Variants in ACOT7 observed in about 807,000 individuals in gnomAD.
ACOT7 encodes acyl-CoA thioesterase 7.
In ACOT7, 12 loss-of-function variants were observed where a neutral mutation model predicts 40.2. The ratio of observed to expected loss-of-function variants is 0.30; its 90% CI spans 0.19 to 0.48. The LOEUF (loss-of-function observed/expected upper bound fraction) is 0.48, where lower values mean the gene tolerates loss of function less well. Among genes scored for constraint, ACOT7 ranks in the 20% least tolerant of loss-of-function variants. The pLI is 0.99. For missense variants in ACOT7, 395 were observed against 530.8 expected, an observed-to-expected ratio of 0.74 and a Z score of 2.51; for synonymous variants, 228 against 219.5, an observed-to-expected ratio of 1.04 and a Z score of -0.34.
chr1:6,265,696 TTC>T (rs1320790806), intron 8 of ACOT7, among the ~76,000 whole-genome samples: 19 of 152,230 alleles, frequency 1.2e-4, no homozygotes, highest in Non-Finnish European at 2.1e-4. Context: ...CAACGCCATG[TTC>T]TGACTGGCCC....
intron 6 of ACOT7, among the ~76,000 whole-genome samples, chr1:6,310,357 C>T (rs915788994): frequency 6.0e-4 from 92 of 152,320 alleles, no homozygotes; most frequent in African/African-American, 2.0e-3. Context: ...CAGAACCACT[C>T]GGGGTGCGAT....
At chr1:6,270,038 CGGTGTCTGTCCCA>C (rs1417288063) in intron 8 of ACOT7, among the ~76,000 whole-genome samples, 1 of 152,232 alleles carries the variant, frequency 6.6e-6, no homozygotes, top group Non-Finnish European at 1.5e-5. Context: ...GGCCGCGGGG[CGGTGTCTGTCCCA>C]TGGTAGGTTA....
At position 6,379,932 on chromosome 1, in the gene ACOT7, G is replaced by A. The variant is rs536496860; in HGVS notation, c.143+13325C>T. On this transcript the variant is annotated intron_variant, in intron 1 of 8. Coordinates refer to ENST00000361521, the MANE Select transcript of ACOT7 (RefSeq NM_007274.4). ...AATACAAAAATTAGCCAGGTGTGGT[G>A]GTGCACACCTGTAGTCCTAGCTCCT... Among the ~76,000 whole-genome samples the A allele has an allele frequency of 1.1e-3, 168 of 151,756 alleles. 1 individual carries two copies. The highest frequency in any genetic ancestry group is 3.8e-3 in the African/African-American group (159 of 41,504).
chr1:6,285,773 T>G (rs1186087008), intron 7 of ACOT7, among the ~76,000 whole-genome samples: 2 of 130,498 alleles, frequency 1.5e-5, no homozygotes, highest in Non-Finnish European at 3.2e-5. Flanking sequence ...TCAGGATGCT[T>G]CAGGGTCTCC....
intron 7 of ACOT7, among the ~76,000 whole-genome samples, chr1:6,287,528 C>G (rs1245165181): frequency 6.6e-6 from 1 of 152,238 alleles, no homozygotes. Flanking sequence ...ATATTAGGTA[C>G]AGTTAAACGT....
intron 1 of ACOT7, among the ~76,000 whole-genome samples, chr1:6,379,249 A>G (rs897151669): frequency 1.3e-5 from 2 of 151,816 alleles, no homozygotes; most frequent in African/African-American, 4.8e-5. Flanking sequence ...ACCCTCAGGT[A>G]TAAGAGTTCA....
chr1:6,335,983 G>A (rs1641090196), intron 3 of ACOT7, among the ~76,000 whole-genome samples: 1 of 152,202 alleles, frequency 6.6e-6, no homozygotes, highest in Non-Finnish European at 1.5e-5. Context: ...TGGAGCAAAT[G>A]AGGCAAACAT....
chr1:6,320,221 T>C (rs1181155505), intron 5 of ACOT7, among the ~76,000 whole-genome samples: 1 of 152,220 alleles, frequency 6.6e-6, no homozygotes, highest in Non-Finnish European at 1.5e-5. Context: ...GCTTGTCACA[T>C]AGGACGGGAT....
chr1:6,300,987 G>C (rs184869310), intron 6 of ACOT7, among the ~76,000 whole-genome samples: 1 of 152,318 alleles, frequency 6.6e-6, no homozygotes, highest in Admixed American at 6.5e-5. Context: ...CCTGACCTTG[G>C]GCCACCAGAG....
intron 1 of ACOT7, among the ~76,000 whole-genome samples, chr1:6,376,640 T>C (rs974519265): frequency 2.7e-5 from 4 of 149,964 alleles, no homozygotes; most frequent in African/African-American, 7.4e-5. Flanking sequence ...GGCAGGAGAA[T>C]AGCTTGAACC....
rs150138551 is a variant in ACOT7, at chr1:6,301,529, G to A, written c.713-6549C>T. On this transcript the variant is annotated intron_variant, in intron 6 of 8. Transcript: ENST00000361521. This position sits in a 1 kb window ranked among gnomAD's most constrained non-coding sequence, Gnocchi z 4.1. ...CCACACTGCATGATGTGACATGGAC[G>A]CCTGCACTGGGTGAGGACCTGCCTC... Among the ~76,000 whole-genome samples the A allele has an allele frequency of 2.8e-4, 43 of 152,290 alleles. No homozygotes were observed. In the South Asian group the frequency reaches 5.8e-3, roughly 21 times the overall value.
intron 1 of ACOT7, among the ~76,000 whole-genome samples, chr1:6,387,594 G>A (rs1465625782): frequency 1.3e-5 from 2 of 152,220 alleles, no homozygotes; most frequent in African/African-American, 4.8e-5. Flanking sequence ...CAAGGGGTGG[G>A]ATGGCAAGAC....
intron 8 of ACOT7, among the ~76,000 whole-genome samples, chr1:6,280,648 A>G (rs1409667402): frequency 6.6e-6 from 1 of 152,104 alleles, no homozygotes; most frequent in Non-Finnish European, 1.5e-5. Context: ...ACCTGGAGGG[A>G]GCCCACCCCT....
intron 5 of ACOT7, among the ~76,000 whole-genome samples, chr1:6,320,105 C>T (rs1484630671): frequency 6.6e-6 from 1 of 152,214 alleles, no homozygotes; most frequent in Non-Finnish European, 1.5e-5. Flanking sequence ...GGAACTTAAC[C>T]TCCCTTTGCC....
rs1415308914 is a variant in ACOT7, at chr1:6,275,381, TGAGTTCTTG to T, written c.1014+5712_1014+5720del. 6.6e-6 allele frequency among the ~76,000 whole-genome samples: 1 copy of T among 152,164 alleles called. No homozygotes were observed. Among genetic ancestry groups the T allele is most frequent in the African/African-American group, 2.4e-5 (1 of 41,438 alleles). ...AAAGCTCAACAGGGTGCGTTTTCCCTGAGTTCTTGGAACTCCCCTGGCTATGCATGAGGC... is the reference window on the plus strand; with the variant it reads ...AAAGCTCAACAGGGTGCGTTTTCCCTGAACTCCCCTGGCTATGCATGAGGC... On this transcript the variant is annotated intron_variant, in intron 8 of 8. Coordinates refer to ENST00000361521, the MANE Select transcript of ACOT7 (RefSeq NM_007274.4). The surrounding 1 kb of genome is among the most constrained non-coding windows in gnomAD (Gnocchi z 5.6).
At chr1:6,305,657 T>A (rs1468979116) in intron 6 of ACOT7, among the ~76,000 whole-genome samples, 11 of 146,162 alleles carry the variant, frequency 7.5e-5, no homozygotes, top group African/African-American at 2.6e-4. Flanking sequence ...CGCTCCTCAC[T>A]TCCTAGATGG....
intron 2 of ACOT7, among the ~76,000 whole-genome samples, chr1:6,348,120 G>GTGC (rs543705065): frequency 0.011 from 1,680 of 152,004 alleles, 91 homozygotes; most frequent in East Asian, 0.034. Context: ...CCACCAGAGG[G>GTGC]TGCTCTCTGA....
At chr1:6,387,934 G>GT (rs557741543) in intron 1 of ACOT7, among the ~76,000 whole-genome samples, 11,460 of 139,006 alleles carry the variant, frequency 0.082, 537 homozygotes, top group African/African-American at 0.14. Context: ...CAGGTTCTTT[G>GT]TTTTTTTTTT....
At chr1:6,280,936 G>A (rs995641448) in intron 8 of ACOT7, among the ~76,000 whole-genome samples, 166 bp downstream of exon 8, 4 of 152,144 alleles carry the variant, frequency 2.6e-5, no homozygotes, top group Non-Finnish European at 2.9e-5. Context: ...GATCAGCCCC[G>A]CAGCCCGAGG....
Sources: allele counts gnomAD v4.1 joint callset (sites outside exome capture counted in the v4.1 genomes callset), GRCh38; gene constraint gnomAD v4.1.1; non-coding constraint Gnocchi (gnomAD v3.1); transcripts MANE v1.5; gene names NCBI Gene and HGNC (gene_info 2026-07-23, HGNC 2026-07-21).